Variants in NRXN1 observed in about 807,000 individuals in gnomAD.
NRXN1 encodes neurexin-1.
NRXN1 carries 39 observed loss-of-function variants against 150.9 expected under a neutral mutation model. That is an observed-to-expected ratio of 0.26 (90% CI 0.20 to 0.34). The LOEUF (loss-of-function observed/expected upper bound fraction) is 0.34. Ranked by LOEUF, NRXN1 falls within the 10% of genes least tolerant of loss-of-function variation. The pLI is 1.00. For synonymous variants in NRXN1, 924 were observed against 757.0 expected (o/e 1.22, Z -3.62); for missense variants, 1,815 against 1,949.9 (o/e 0.93, Z 1.30).
At chr2:50,524,674 T>C (rs1053554323) in intron 12 of NRXN1, among the ~76,000 whole-genome samples, 3 of 152,060 alleles carry the variant, frequency 2.0e-5, no homozygotes, top group African/African-American at 7.2e-5. Flanking sequence ...CCACTGCATA[T>C]TTAAAGTAGT....
chr2:50,803,312 T>C (rs1247676797), intron 5 of NRXN1, among the ~76,000 whole-genome samples: 5 of 152,210 alleles, frequency 3.3e-5, no homozygotes, highest in African/African-American at 4.8e-5. Flanking sequence ...GTTGTTGATA[T>C]ATTTATTTTT....
chr2:50,852,482 G>A (rs1171052017), intron 5 of NRXN1, among the ~76,000 whole-genome samples: 3 of 152,112 alleles, frequency 2.0e-5, no homozygotes, highest in Non-Finnish European at 4.4e-5. Flanking sequence ...GACCCCAATG[G>A]AGGGTCATAT....
At chr2:50,191,849 A>T (rs1574417356) in intron 18 of NRXN1, among the ~76,000 whole-genome samples, 1 of 152,142 alleles carries the variant, frequency 6.6e-6, no homozygotes, top group Non-Finnish European at 1.5e-5. Context: ...ACATGTATTA[A>T]CTTAATACAG....
At chr2:50,903,253 T>G (rs1361782591) in intron 5 of NRXN1, among the ~76,000 whole-genome samples, 1 of 152,184 alleles carries the variant, frequency 6.6e-6, no homozygotes, top group African/African-American at 2.4e-5. Context: ...GCTTTCTAGG[T>G]ATTCACTACC....
At chr2:50,934,211 T>A (rs922816019) in intron 2 of NRXN1, among the ~76,000 whole-genome samples, 5 of 152,124 alleles carry the variant, frequency 3.3e-5, no homozygotes, top group African/African-American at 1.2e-4. Flanking sequence ...ACTGTGATAT[T>A]TTTCTCAATA....
At chr2:50,193,188 T>A (rs1332991995) in intron 18 of NRXN1, among the ~76,000 whole-genome samples, 2 of 152,270 alleles carry the variant, frequency 1.3e-5, no homozygotes, top group African/African-American at 4.8e-5. Flanking sequence ...TTTTTGATGA[T>A]CCTTCCATAT....
intron 21 of NRXN1, among the ~76,000 whole-genome samples, chr2:49,947,131 C>T (rs763890561): frequency 6.6e-6 from 1 of 151,964 alleles, no homozygotes; most frequent in African/African-American, 2.4e-5. Context: ...GTTTTTTTCC[C>T]CCCGGACCAA....
chr2:50,976,326 C>T lies in NRXN1; in HGVS notation c.773-50371G>A, dbSNP rs569222772. Among the ~76,000 whole-genome samples, 46 of 151,594 alleles carry T rather than the reference C, an allele frequency of 3.0e-4. No individual in the cohort carries two copies. The East Asian group carries it at 9.0e-3, about 30-fold the overall frequency. On this transcript the variant is annotated intron_variant, in intron 2 of 22. Coordinates refer to ENST00000401669, the MANE Select transcript of NRXN1 (RefSeq NM_001330078.2). ...TCTAATTTTTAATATATTTTTGGAA[C>T]CTATTTGCTTGAATTTTTTCCCTTG...
intron 5 of NRXN1, among the ~76,000 whole-genome samples, chr2:50,911,223 A>G (rs1684471090): frequency 6.6e-6 from 1 of 151,738 alleles, no homozygotes; most frequent in African/African-American, 2.4e-5. Context: ...ACTCTTTCAC[A>G]TCTATTTCTA....
intron 21 of NRXN1, among the ~76,000 whole-genome samples, chr2:49,999,247 A>G (rs1290041580): frequency 6.6e-6 from 1 of 152,066 alleles, no homozygotes; most frequent in Non-Finnish European, 1.5e-5. Context: ...CTCTCCTATA[A>G]ATAAGATCTA....
At chr2:50,570,262 G>A (rs968344837) in intron 8 of NRXN1, among the ~76,000 whole-genome samples, 1 of 151,910 alleles carries the variant, frequency 6.6e-6, no homozygotes, top group African/African-American at 2.4e-5. Flanking sequence ...AGTACTGGGG[G>A]CGGGGGGAAG....
rs192213274 is a variant in NRXN1, at chr2:50,058,564, C to T, written c.3719-3520G>A. Among the ~76,000 whole-genome samples the T allele has an allele frequency of 1.4e-4, 22 of 152,222 alleles. No individual in the cohort carries two copies. In the East Asian group the frequency reaches 4.3e-3, roughly 29 times the overall value. ...ATAAAAAACTAATGACTTTGTTCTC[C>T]TATTAGAATAAAAAACTAATGACTT... On this transcript the variant is annotated intron_variant, in intron 19 of 22. Coordinates refer to ENST00000401669, the MANE Select transcript of NRXN1 (RefSeq NM_001330078.2).
intron 17 of NRXN1, among the ~76,000 whole-genome samples, chr2:50,439,193 A>G (rs1433031768): frequency 6.6e-6 from 1 of 152,218 alleles, no homozygotes; most frequent in Non-Finnish European, 1.5e-5. Flanking sequence ...AAGCAATGCA[A>G]TGCAGTTGTA....
At chr2:50,943,369 C>A (rs1689793571) in intron 2 of NRXN1, among the ~76,000 whole-genome samples, 1 of 152,144 alleles carries the variant, frequency 6.6e-6, no homozygotes, top group Non-Finnish European at 1.5e-5. Flanking sequence ...TTTGCACCAA[C>A]CTAATATAAT....
chr2:50,252,970 G>T (rs2067306638), intron 17 of NRXN1, among the ~76,000 whole-genome samples: 1 of 152,088 alleles, frequency 6.6e-6, no homozygotes, highest in South Asian at 2.1e-4. Context: ...AGTTTAATGG[G>T]AATAGTATTT....
intron 5 of NRXN1, among the ~76,000 whole-genome samples, chr2:50,716,244 G>A (rs890752656): frequency 6.6e-6 from 1 of 152,110 alleles, no homozygotes; most frequent in Non-Finnish European, 1.5e-5. Context: ...AACAGAATTA[G>A]CAGAAGAGAG....
chr2:50,067,843 C>T (rs989459698), intron 19 of NRXN1, among the ~76,000 whole-genome samples: 25 of 152,138 alleles, frequency 1.6e-4, no homozygotes, highest in African/African-American at 5.3e-4. Flanking sequence ...TAAACCTATC[C>T]GCTCTAATAA....
intron 21 of NRXN1, among the ~76,000 whole-genome samples, chr2:49,950,370 A>G (rs903567777): frequency 2.0e-5 from 3 of 151,938 alleles, no homozygotes; most frequent in Non-Finnish European, 2.9e-5. Flanking sequence ...TTTAATAAAC[A>G]TAAAAATAAT....
At chr2:50,909,326 C>T (rs1326175251) in intron 5 of NRXN1, among the ~76,000 whole-genome samples, 1 of 152,082 alleles carries the variant, frequency 6.6e-6, no homozygotes, top group African/African-American at 2.4e-5. Flanking sequence ...ACAGCGTTTA[C>T]ATCATCACCC....
Sources: allele counts gnomAD v4.1 joint callset (sites outside exome capture counted in the v4.1 genomes callset), GRCh38; gene constraint gnomAD v4.1.1; transcripts MANE v1.5; gene names NCBI Gene and HGNC (gene_info 2026-07-23, HGNC 2026-07-21).